The following CAST variants were observed in gnomAD, a reference collection of about 807,000 sequenced individuals.
CAST encodes the protein MIR583 host.
A neutral mutation model predicts 119.6 loss-of-function variants in CAST; 76 were observed. The ratio of observed to expected loss-of-function variants is 0.64; its 90% CI spans 0.53 to 0.77. The LOEUF is 0.77. Ranked by LOEUF, CAST falls within the 30% of genes least tolerant of loss-of-function variation. The pLI is 0.00. For synonymous variants in CAST, 319 were observed against 331.6 expected (o/e 0.96, Z 0.41); for missense variants, 953 against 946.5 (o/e 1.01, Z -0.09).
At chr5:96,723,220 C>T (rs1280948295) in intron 4 of CAST, among the ~76,000 whole-genome samples, 1 of 152,120 alleles carries the variant, frequency 6.6e-6, no homozygotes, top group Non-Finnish European at 1.5e-5. Context: ...CCACCTGGGC[C>T]TCCCAAAGTG....
At chr5:96,040,069 C>A in the CAST span, among the ~76,000 whole-genome samples, 3 of 152,096 alleles carry the variant, frequency 2.0e-5, no homozygotes, top group Non-Finnish European at 4.4e-5. Context: ...TTGTAGTTCT[C>A]CTTGAAGAGA....
intron 1 of CAST, among the ~76,000 whole-genome samples, chr5:96,628,616 A>G (rs1353616445): frequency 6.6e-6 from 1 of 152,170 alleles, no homozygotes; most frequent in East Asian, 1.9e-4. Flanking sequence ...TTTGCTAGCT[A>G]TAAGGTCCTT....
chr5:96,238,357 T>TCTTCTC, the CAST span, among the ~76,000 whole-genome samples: 67 of 79,660 alleles, frequency 8.4e-4, no homozygotes, highest in Middle Eastern at 7.2e-3. Context: ...ATCTTCATCT[T>TCTTCTC]CTTCTTCTCC....
chr5:96,692,852 C>A (rs1326957616), intron 2 of CAST, among the ~76,000 whole-genome samples: 2 of 152,168 alleles, frequency 1.3e-5, no homozygotes, highest in Non-Finnish European at 2.9e-5. Flanking sequence ...AGGGCAGGAG[C>A]TTTTTCTGTT....
At chr5:96,235,859 T>C in the CAST span, among the ~76,000 whole-genome samples, 1 of 152,164 alleles carries the variant, frequency 6.6e-6, no homozygotes, top group Non-Finnish European at 1.5e-5. Context: ...AGTTCACTCC[T>C]CTGCGAGTAA....
At chr5:96,045,776 G>C in the CAST span, among the ~76,000 whole-genome samples, 1 of 152,092 alleles carries the variant, frequency 6.6e-6, no homozygotes, top group Non-Finnish European at 1.5e-5. Context: ...TAACTTTAGG[G>C]TTTTTAGGAT....
intron 1 of CAST, among the ~76,000 whole-genome samples, chr5:96,550,118 AC>A (rs1266316862): frequency 1.3e-5 from 2 of 151,964 alleles, no homozygotes; most frequent in African/African-American, 4.8e-5. Flanking sequence ...TGGGTCCCTG[AC>A]CCCCGTGTAG....
chr5:96,519,942 A>T, the CAST span, among the ~76,000 whole-genome samples: 102 of 152,080 alleles, frequency 6.7e-4, no homozygotes, highest in African/African-American at 2.4e-3. Context: ...TTCCCTTTTT[A>T]AAAAAACTAT....
the CAST span, among the ~76,000 whole-genome samples, chr5:96,214,680 T>C: frequency 2.9e-3 from 446 of 152,136 alleles, 3 homozygotes; most frequent in African/African-American, 0.01. Context: ...GGAGAGAAAA[T>C]TAAAACGTAA....
chr5:96,133,620 T>C, the CAST span, among the ~76,000 whole-genome samples: 1 of 152,214 alleles, frequency 6.6e-6, no homozygotes, highest in African/African-American at 2.4e-5. Flanking sequence ...CAGTTTCCCA[T>C]ATTTTCCTTC....
chr5:96,592,504 C>A (rs1011462102), intron 1 of CAST, among the ~76,000 whole-genome samples: 2 of 152,032 alleles, frequency 1.3e-5, no homozygotes, highest in African/African-American at 4.8e-5. Flanking sequence ...TAATATGGTT[C>A]TTTCTCACTT....
chr5:96,017,175 T>C, the CAST span, among the ~76,000 whole-genome samples: 739 of 152,296 alleles, frequency 4.9e-3, 5 homozygotes, highest in African/African-American at 0.017. Flanking sequence ...CTTTCACGGC[T>C]GGACCTCTGA....
rs1746624946 is a variant in CAST, at chr5:96,574,105, C to T, written c.60+44225C>T. Reference sequence around the variant, plus strand: ...TCGCTCTGTCGCCCAGGCCGGACTGCGGACTGCAGTGGCGCAATCTCGGCT... The same window carrying T: ...TCGCTCTGTCGCCCAGGCCGGACTGTGGACTGCAGTGGCGCAATCTCGGCT... On this transcript the variant is annotated intron_variant, in intron 1 of 11. Transcript: ENST00000505143. Among the ~76,000 whole-genome samples the T allele has an allele frequency of 5.2e-4, 2 of 3,850 alleles. 1 individual carries two copies. Among genetic ancestry groups the T allele is most frequent in the South Asian group, 0.038 (2 of 52 alleles). The allele number at this position is 3,850 out of a possible 152,430, so 2.5% of individuals were successfully genotyped here. A position where few individuals can be genotyped will look rare whatever the true frequency, so the allele number is the denominator to read the frequency against.
chr5:96,210,046 T>C, the CAST span: 1 of 151,866 alleles, frequency 6.6e-6, no homozygotes, highest in Non-Finnish European at 1.5e-5. Context: ...CTTTTCTTTA[T>C]ATTTGTCTGA....
chr5:96,394,136 C>A, the CAST span, among the ~76,000 whole-genome samples: 1 of 152,216 alleles, frequency 6.6e-6, no homozygotes, highest in East Asian at 1.9e-4. Flanking sequence ...AAACACCCAG[C>A]TCAGAGCTGG....
At chr5:96,270,211 C>T in the CAST span, among the ~76,000 whole-genome samples, 2 of 151,982 alleles carry the variant, frequency 1.3e-5, no homozygotes, top group Non-Finnish European at 2.9e-5. Flanking sequence ...ACAAAAACCC[C>T]CAACAAACTG....
At chr5:96,098,291 G>A in the CAST span, among the ~76,000 whole-genome samples, 2 of 152,120 alleles carry the variant, frequency 1.3e-5, no homozygotes, top group African/African-American at 4.8e-5. Context: ...TTACTCTGTT[G>A]ATAGTTTCTT....
chr5:96,123,788 T>G, the CAST span, among the ~76,000 whole-genome samples: 1 of 152,318 alleles, frequency 6.6e-6, no homozygotes, highest in African/African-American at 2.4e-5. Flanking sequence ...AATTGAGAAC[T>G]GATTTTAAAT....
intron 1 of CAST, among the ~76,000 whole-genome samples, chr5:96,647,109 C>T (rs889524937): frequency 1.3e-4 from 20 of 152,198 alleles, no homozygotes; most frequent in African/African-American, 4.8e-4. Flanking sequence ...GTTAGGGGCA[C>T]TGGCTTGTTG....
Sources: gnomAD v4.1 joint callset for allele counts (sites outside exome capture counted in the v4.1 genomes callset) on GRCh38, gnomAD v4.1.1 for gene constraint, MANE v1.5 for transcripts, NCBI Gene and HGNC (gene_info 2026-07-23, HGNC 2026-07-21) for gene names.